The following TPT1 variants were observed in gnomAD, a reference collection of about 807,000 sequenced individuals.
TPT1 encodes tumor protein, translationally-controlled 1, also known as translationally-controlled tumor protein.
In TPT1, 5 loss-of-function variants were observed where a neutral mutation model predicts 22.8. That is an observed-to-expected ratio of 0.22 (90% CI 0.11 to 0.46). TPT1 has a LOEUF of 0.46. Among genes scored for constraint, TPT1 ranks in the 20% least tolerant of loss-of-function variants. TPT1 has a pLI of 0.99. For synonymous variants in TPT1, 89 were observed against 73.6 expected (o/e 1.21, Z -1.07); for missense variants, 130 against 218.7 (o/e 0.59, Z 2.56).
chr13:45,341,111 C>A lies in TPT1; in HGVS notation c.-42G>T. 1 of 1,610,014 alleles carries A rather than the reference C, an allele frequency of 6.2e-7. No individual in the cohort carries two copies. Among genetic ancestry groups the A allele is most frequent in the Non-Finnish European group, 8.5e-7 (1 of 1,178,140 alleles). On this transcript the variant is annotated 5_prime_UTR_variant, in exon 1 of 6. Transcript: ENST00000530705. ...AGACGACGACGGCGCTAGCTTAGCA[C>A]GAGCCTGAAACTCGGAGCGAGCGCG...
In TPT1 at chr13:45,340,675, G is replaced by T. The variant is rs2234218; in HGVS notation, c.102+37C>A. ...AGCGGAGGAAACCCGAGCCCGCTCG[G>T]CCCGGACTCCCCCACGCGCAGGCCC... On this transcript the variant is annotated intron_variant, in intron 2 of 5. Transcript: ENST00000530705. 1.8e-4 allele frequency: 280 copies of T among 1,559,300 alleles called. 1 individual carries two copies. In the African/African-American group the frequency reaches 3.6e-3, roughly 20 times the overall value.
In TPT1 at chr13:45,336,554, G is replaced by A. The variant is rs1258407997; in HGVS notation, c.*832C>T. The A allele has an allele frequency of 6.6e-6, 1 of 152,094 alleles. No individual in the cohort carries two copies. Among genetic ancestry groups the A allele is most frequent in the Non-Finnish European group, 1.5e-5 (1 of 68,046 alleles). The allele number at this position is 152,094 out of a possible 1,614,324, so 9.4% of individuals were successfully genotyped here. ...TGTGTACCTTCATCTTTTAAATCAG[G>A]GGCTGGCAAACTTGCAGGCTCTAGT... On this transcript the variant is annotated 3_prime_UTR_variant, in exon 6 of 6. Coordinates refer to ENST00000530705, the MANE Select transcript of TPT1 (RefSeq NM_003295.4).
Position 45,333,726 on chromosome 13 carries a change from C to T in TPT1, c.*3660G>A, listed in dbSNP as rs1327637900. The T allele has an allele frequency of 2.0e-5, 3 of 152,176 alleles. No individual in the cohort carries two copies. The highest frequency in any genetic ancestry group is 7.2e-5 in the African/African-American group (3 of 41,438). The allele number at this position is 152,176 out of a possible 1,614,324, so 9.4% of individuals were successfully genotyped here. ...GTACCTGTATTGTATTTCATGCCTG[C>T]GACTGTTAGTCTCTTGAGTGCATTT... On this transcript the variant is annotated 3_prime_UTR_variant, in exon 6 of 6. Transcript: ENST00000530705.
At position 45,334,327 on chromosome 13, in the gene TPT1, C is replaced by T. The variant is rs1352466988; in HGVS notation, c.*3059G>A. 6.6e-6 allele frequency: 1 copy of T among 152,224 alleles called. No homozygotes were observed. Among genetic ancestry groups the T allele is most frequent in the Non-Finnish European group, 1.5e-5 (1 of 68,048 alleles). 9.4% of individuals were successfully genotyped at this position (152,224 alleles called of 1,614,324 possible). On this transcript the variant is annotated 3_prime_UTR_variant, in exon 6 of 6. Transcript: ENST00000530705. ...CTCTTAATTACCTTTGTTGGTTTCT[C>T]TTTGTCAACCAATCTCATGTTGGAA...
rs1878761299 is a variant in TPT1, at chr13:45,337,299, TTTGTC to T, written c.*82_*86del. ...AGAGCTCAAGATGACATCAGTCCCA[TTTGTC>T]TTAAGTCCTGGTGTTGTGTGGATGA... On this transcript the variant is annotated 3_prime_UTR_variant, in exon 6 of 6. Transcript: ENST00000530705. The T allele has an allele frequency of 1.5e-6, 2 of 1,291,898 alleles. No individual in the cohort carries two copies. The highest frequency in any genetic ancestry group is 1.5e-5 in the African/African-American group (1 of 68,518). The allele number at this position is 1,291,898 out of a possible 1,614,324, so 80.0% of individuals were successfully genotyped here.
At position 45,335,922 on chromosome 13, in the gene TPT1, A is replaced by G. The variant is rs1240149191; in HGVS notation, c.*1464T>C. On this transcript the variant is annotated 3_prime_UTR_variant, in exon 6 of 6. Coordinates refer to ENST00000530705, the MANE Select transcript of TPT1 (RefSeq NM_003295.4). The stretch of plus-strand genomic sequence containing the variant: ...CAAACTCCAGATTGCTCAAACCACT[A>G]CATTCACATGTTCAAGCAGACCAGA... 1 of 152,200 alleles carries G rather than the reference A, an allele frequency of 6.6e-6. No individual in the cohort carries two copies. Among genetic ancestry groups the G allele is most frequent in the African/African-American group, 2.4e-5 (1 of 41,446 alleles). The allele number at this position is 152,200 out of a possible 1,614,324, so 9.4% of individuals were successfully genotyped here.
rs779880441 is a variant in TPT1, at chr13:45,340,704, C to A, written c.102+8G>T. 8.4e-6 allele frequency: 13 copies of A among 1,543,880 alleles called. No individual in the cohort carries two copies. Among genetic ancestry groups the A allele is most frequent in the Non-Finnish European group, 9.6e-6 (11 of 1,145,658 alleles). ...GGACTCCCCCACGCGCAGGCCCGAC[C>A]GACTCACCTTCCCCTCCACCTCCAG... is the stretch of plus-strand genomic sequence containing the variant. On this transcript the variant is annotated splice_region_variant and intron_variant, in intron 2 of 5. Transcript: ENST00000530705.
chr13:45,337,558 T>C (rs968940205), intron 5 of TPT1, 170 bp from the exon 6 acceptor site: 5 of 1,610,658 alleles, frequency 3.1e-6, no homozygotes, highest in African/African-American at 2.7e-5. Context: ...TGCATCCTAG[T>C]GCAAACCAAA....
At position 45,338,598 on chromosome 13, in the gene TPT1, G is replaced by A. The variant is rs749209345; in HGVS notation, c.516+62C>T. On this transcript the variant is annotated intron_variant, in intron 5 of 5. Transcript: ENST00000530705. The stretch of plus-strand genomic sequence containing the variant: ...TCATTCTCAGTGTCACAAAACAATT[G>A]CAAATCACATCTAAAATGTCTTTTT... 5.7e-6 allele frequency: 9 copies of A among 1,582,026 alleles called. No individual in the cohort carries two copies. The South Asian group carries it at 1.1e-4, about 18-fold the overall frequency.
rs1879106765 is a variant in TPT1, at chr13:45,341,145, G to C, written c.-76C>G. 1.9e-6 allele frequency: 3 copies of C among 1,585,690 alleles called. No individual in the cohort carries two copies. Among genetic ancestry groups the C allele is most frequent in the Non-Finnish European group, 1.7e-6 (2 of 1,166,004 alleles). ...AACTCGGAGCGAGCGCGGTGCAGCC[G>C]GAGCGGCGCTCGGGGGGAGGGGGGA... On this transcript the variant is annotated 5_prime_UTR_variant, in exon 1 of 6. Coordinates refer to ENST00000530705, the MANE Select transcript of TPT1 (RefSeq NM_003295.4).
rs756777739 is a variant in TPT1 at position 45,340,698 on chromosome 13, C to T, written c.102+14G>A. 8 of 1,547,632 alleles carry T rather than the reference C, an allele frequency of 5.2e-6. No individual in the cohort carries two copies. The highest frequency in any genetic ancestry group is 4.5e-5 in the East Asian group (2 of 44,092). On this transcript the variant is annotated intron_variant, in intron 2 of 5. Transcript: ENST00000530705. ...CGGCCCGGACTCCCCCACGCGCAGGCCCGACCGACTCACCTTCCCCTCCAC... is the reference window on the plus strand; with the variant it reads ...CGGCCCGGACTCCCCCACGCGCAGGTCCGACCGACTCACCTTCCCCTCCAC...
In TPT1 at chr13:45,341,155, TC is replaced by T. The variant is rs1879109034; in HGVS notation, c.-87del. The T allele has an allele frequency of 6.4e-7, 1 of 1,569,690 alleles. No individual in the cohort carries two copies. The highest frequency in any genetic ancestry group is 8.6e-7 in the Non-Finnish European group (1 of 1,156,128). The stretch of plus-strand genomic sequence containing the variant: ...GAGCGCGGTGCAGCCGGAGCGGCGC[TC>T]GGGGGGAGGGGGGAGCGGGCGGAAA... On this transcript the variant is annotated 5_prime_UTR_variant, in exon 1 of 6. Coordinates refer to ENST00000530705, the MANE Select transcript of TPT1 (RefSeq NM_003295.4).
In TPT1 at chr13:45,341,158, G is replaced by C. The variant is rs936835090; in HGVS notation, c.-89C>G. ...CGCGGTGCAGCCGGAGCGGCGCTCG[G>C]GGGGAGGGGGGAGCGGGCGGAAAAG... is the stretch of plus-strand genomic sequence containing the variant. On this transcript the variant is annotated 5_prime_UTR_variant, in exon 1 of 6. Transcript: ENST00000530705. The C allele has an allele frequency of 9.0e-6, 14 of 1,559,860 alleles. No homozygotes were observed. Among genetic ancestry groups the C allele is most frequent in the African/African-American group, 2.7e-5 (2 of 73,478 alleles).
At position 45,340,332 on chromosome 13, in the gene TPT1, A is replaced by G. The variant is rs781741097; in HGVS notation, c.103-148T>C. 3.6e-6 allele frequency: 4 copies of G among 1,113,064 alleles called. No homozygotes were observed. In the South Asian group the frequency reaches 5.4e-5, roughly 15 times the overall value. The allele number at this position is 1,113,064 out of a possible 1,614,324, so 68.9% of individuals were successfully genotyped here. On this transcript the variant is annotated intron_variant, in intron 2 of 5. Transcript: ENST00000530705. ...TTGGGAATAAAGTTGTGACCCGTGG[A>G]TTTCTCAAAACGACCTAACTTAAAA...
In TPT1 at chr13:45,341,163, A is replaced by AGGGGGGAGC; in HGVS notation, c.-103_-95dup. ...TGCAGCCGGAGCGGCGCTCGGGGGG[A>AGGGGGGAGC]GGGGGGAGCGGGCGGAAAAGGCCGA... On this transcript the variant is annotated 5_prime_UTR_variant, in exon 1 of 6. Coordinates refer to ENST00000530705, the MANE Select transcript of TPT1 (RefSeq NM_003295.4). The AGGGGGGAGC allele has an allele frequency of 6.4e-7, 1 of 1,551,350 alleles. No individual in the cohort carries two copies. Among genetic ancestry groups the AGGGGGGAGC allele is most frequent in the East Asian group, 2.4e-5 (1 of 42,176 alleles).
rs529694182 is a variant in TPT1 at position 45,339,487 on chromosome 13, A to T, written c.399+10T>A. 23 of 1,605,542 alleles carry T rather than the reference A, an allele frequency of 1.4e-5. No individual in the cohort carries two copies. The South Asian group carries it at 2.6e-4, about 18-fold the overall frequency. ...TACAATCCTTTGATCCAGATACTTA[A>T]GGTATTTACCTGGTAGTTTTTGAAA... On this transcript the variant is annotated intron_variant, in intron 4 of 5. Coordinates refer to ENST00000530705, the MANE Select transcript of TPT1 (RefSeq NM_003295.4).
chr13:45,340,086 G>A lies in TPT1; in HGVS notation c.201C>T (p.Ile67=), dbSNP rs779126253. 1.9e-6 allele frequency: 3 copies of A among 1,614,088 alleles called. No homozygotes were observed. In the African/African-American group the frequency reaches 4.0e-5, roughly 22 times the overall value. The change falls in exon 3 of 6, where the codon ATC becomes ATT. Residue 67 remains isoleucine (I), a synonymous_variant. Coordinates refer to ENST00000530705, the MANE Select transcript of TPT1 (RefSeq NM_003295.4). The part of the protein sequence containing the change: ...PEGEGTESTV[I]TGVDIVMNHH... ...GGTTCATGACAATATCGACACCAGT[G>A]ATTACTGTGCTTTCGGTACCTTCGC...
intron 4 of TPT1, 140 bp downstream of exon 4, chr13:45,339,357 G>A (rs1206363223): frequency 1.6e-6 from 1 of 613,484 alleles, no homozygotes; most frequent in South Asian, 3.2e-5. Flanking sequence ...CAGAAGACAA[G>A]ATTTGGAAAC....
Position 45,337,179 on chromosome 13 carries a change from A to C in TPT1, c.*207T>G. The C allele has an allele frequency of 1.6e-6, 1 of 611,430 alleles. No homozygotes were observed. 37.9% of individuals were successfully genotyped at this position (611,430 alleles called of 1,614,324 possible). On this transcript the variant is annotated 3_prime_UTR_variant, in exon 6 of 6. Coordinates refer to ENST00000530705, the MANE Select transcript of TPT1 (RefSeq NM_003295.4). ...AAACTAAAAGGCATTCTCTCAAATG[A>C]GTTTAAATGCATTTTATTTTTAGAC...
Sources: gnomAD v4.1 joint callset for allele counts on GRCh38, gnomAD v4.1.1 for gene constraint, MANE v1.5 for transcripts, NCBI Gene and HGNC (gene_info 2026-07-23, HGNC 2026-07-21) for gene names.